PRKN: variants seen among roughly 807,000 people sequenced by gnomAD.
The protein encoded by PRKN is E3 ubiquitin-protein ligase parkin.
In PRKN, 56 loss-of-function variants were observed where a neutral mutation model predicts 59.5. The observed-to-expected ratio is 0.94, with a 90% confidence interval of 0.76 to 1.18. The LOEUF is 1.18. PRKN is among the 50% of genes most tolerant of loss of function. PRKN has a pLI of 0.00. For synonymous variants in PRKN, 250 were observed against 222.1 expected, an observed-to-expected ratio of 1.13 and a Z score of -1.12; for missense variants, 657 against 596.4, an observed-to-expected ratio of 1.10 and a Z score of -1.06.
rs778261121 is a variant in PRKN at position 161,423,999 on chromosome 6, C to T, written c.1084-37122G>A. ...CAAGGCTGGTATTGAGACTGGAGTA[C>T]GGCATGTAGTGTTGAAGATAAATTG... On this transcript the variant is annotated intron_variant, in intron 9 of 11. Transcript: ENST00000366898. This position sits in a 1 kb window ranked among gnomAD's most constrained non-coding sequence, Gnocchi z 5.9. Among the ~76,000 whole-genome samples, 10 of 152,040 alleles carry T rather than the reference C, an allele frequency of 6.6e-5. No individual in the cohort carries two copies. The highest frequency in any genetic ancestry group is 3.9e-4 in the East Asian group (2 of 5,182).
intron 1 of PRKN, among the ~76,000 whole-genome samples, chr6:162,562,703 T>C (rs1779892462): frequency 1.3e-5 from 2 of 152,170 alleles, no homozygotes; most frequent in Admixed American, 6.5e-5. Context: ...CTAAGACTTT[T>C]GACTCTAGTT....
At chr6:161,816,025 G>A (rs1001091) in intron 6 of PRKN, among the ~76,000 whole-genome samples, 103,335 of 151,946 alleles carry the variant, frequency 0.68, 35,656 homozygotes, top group East Asian at 0.79. Context: ...GAGAAAACCC[G>A]TGTGCATGCA....
intron 9 of PRKN, among the ~76,000 whole-genome samples, chr6:161,426,091 C>CA (rs1337871064): frequency 1.3e-5 from 2 of 151,544 alleles, no homozygotes; most frequent in East Asian, 1.9e-4. Flanking sequence ...GTTGTAGGAG[C>CA]AAAAAATGTG....
intron 7 of PRKN, among the ~76,000 whole-genome samples, chr6:161,636,133 G>A (rs545294905): frequency 6.6e-6 from 1 of 152,334 alleles, no homozygotes; most frequent in South Asian, 2.1e-4. Flanking sequence ...TAGAGACAAG[G>A]CCACCCTGAC....
At chr6:162,458,109 C>A (rs912005473) in intron 1 of PRKN, among the ~76,000 whole-genome samples, 2 of 151,388 alleles carry the variant, frequency 1.3e-5, no homozygotes, top group African/African-American at 4.8e-5. Context: ...CAAAAATTAG[C>A]CAGGCGTGGT....
chr6:161,847,458 C>T (rs1793247468), intron 6 of PRKN, among the ~76,000 whole-genome samples: 1 of 152,216 alleles, frequency 6.6e-6, no homozygotes, highest in East Asian at 1.9e-4. Context: ...TTGCAGACAT[C>T]CTCTCCCCTC....
intron 6 of PRKN, among the ~76,000 whole-genome samples, chr6:161,907,618 G>A (rs74474159): frequency 1.3e-5 from 2 of 152,074 alleles, no homozygotes; most frequent in African/African-American, 4.8e-5. Context: ...CACTGGGGAC[G>A]TAAGAGAGGA....
chr6:161,695,202 C>T (rs1287927817), intron 7 of PRKN, among the ~76,000 whole-genome samples: 1 of 152,202 alleles, frequency 6.6e-6, no homozygotes, highest in Admixed American at 6.5e-5. Context: ...AAGATTAGCA[C>T]TGCCCCCAAC....
At chr6:161,519,403 A>T (rs545170295) in intron 9 of PRKN, among the ~76,000 whole-genome samples, 1 of 140,346 alleles carries the variant, frequency 7.1e-6, no homozygotes, top group East Asian at 2.1e-4. Context: ...CACTAAGCTT[A>T]TCCTCCAGAC....
intron 5 of PRKN, among the ~76,000 whole-genome samples, chr6:162,003,403 G>C (rs1782134629): frequency 6.6e-6 from 1 of 152,044 alleles, no homozygotes; most frequent in South Asian, 2.1e-4. Context: ...TATTTTTCTT[G>C]CTAGGTTCTC....
At chr6:162,544,611 A>G (rs956423888) in intron 1 of PRKN, among the ~76,000 whole-genome samples, 2 of 151,610 alleles carry the variant, frequency 1.3e-5, no homozygotes, top group African/African-American at 4.9e-5. Context: ...AAATGTATGC[A>G]CAGAATGTTC....
intron 1 of PRKN, among the ~76,000 whole-genome samples, chr6:162,495,100 T>C (rs1372055422): frequency 6.6e-6 from 1 of 152,216 alleles, no homozygotes; most frequent in Non-Finnish European, 1.5e-5. Flanking sequence ...CATCATACAA[T>C]AGAGCTATTT....
chr6:161,498,180 T>G lies in PRKN; in HGVS notation c.1083+50674A>C, dbSNP rs1777823072. 6.6e-6 allele frequency among the ~76,000 whole-genome samples: 1 copy of G among 152,242 alleles called. No individual in the cohort carries two copies. The highest frequency in any genetic ancestry group is 2.4e-5 in the African/African-American group (1 of 41,470). ...AATTTCTAACCTATACTATTCATAA[T>G]TTAGCTGATAGAAACCTCTGCTCAC... is the stretch of plus-strand genomic sequence containing the variant. On this transcript the variant is annotated intron_variant, in intron 9 of 11. Transcript: ENST00000366898. The surrounding 1 kb of genome is among the most constrained non-coding windows in gnomAD (Gnocchi z 4.2).
At chr6:161,817,229 C>T (rs1258675454) in intron 6 of PRKN, among the ~76,000 whole-genome samples, 1 of 152,080 alleles carries the variant, frequency 6.6e-6, no homozygotes, top group African/African-American at 2.4e-5. Context: ...TTTGTGTATT[C>T]ACAGACTTCT....
intron 2 of PRKN, among the ~76,000 whole-genome samples, chr6:162,284,454 C>T (rs1476275309): frequency 6.6e-6 from 1 of 151,938 alleles, no homozygotes; most frequent in Non-Finnish European, 1.5e-5. Flanking sequence ...AAACTCCTAA[C>T]CTCAGGTGAT....
rs577619245 is a variant in PRKN at position 162,154,256 on chromosome 6, G to A, written c.534+46875C>T. ...TTCCCCTCTGACATATGACCGCCCT[G>A]CACAGCAAAGCCCATTCTAGATTAC... On this transcript the variant is annotated intron_variant, in intron 4 of 11. Coordinates refer to ENST00000366898, the MANE Select transcript of PRKN (RefSeq NM_004562.3). Among the ~76,000 whole-genome samples, 5 of 152,156 alleles carry A rather than the reference G, an allele frequency of 3.3e-5. No homozygotes were observed. The East Asian group carries it at 9.7e-4, about 29-fold the overall frequency.
At chr6:161,619,611 C>A (rs934587336) in intron 7 of PRKN, among the ~76,000 whole-genome samples, 2 of 152,086 alleles carry the variant, frequency 1.3e-5, no homozygotes, top group African/African-American at 4.8e-5. Context: ...AATGAGAGAA[C>A]TGAGGCTGAG....
intron 6 of PRKN, among the ~76,000 whole-genome samples, chr6:161,947,980 TTTC>T (rs1024304966): frequency 3.0e-4 from 45 of 151,926 alleles, no homozygotes; most frequent in African/African-American, 1.0e-3. Flanking sequence ...ATTTCTTTCT[TTTC>T]TTCTTCTTCT....
At chr6:162,186,515 A>G (rs1411582479) in intron 4 of PRKN, among the ~76,000 whole-genome samples, 1 of 152,002 alleles carries the variant, frequency 6.6e-6, no homozygotes, top group African/African-American at 2.4e-5. Context: ...CTATGGAAAG[A>G]CTCCACTCAG....
Sources: gnomAD v4.1 joint callset for allele counts (sites outside exome capture counted in the v4.1 genomes callset) on GRCh38, gnomAD v4.1.1 for gene constraint, Gnocchi (gnomAD v3.1) non-coding constraint, MANE v1.5 for transcripts, NCBI Gene and HGNC (gene_info 2026-07-23, HGNC 2026-07-21) for gene names.